The following CAST variants were observed in gnomAD, a reference collection of about 807,000 sequenced individuals.
CAST encodes MIR583 host.
In CAST, 76 loss-of-function variants were observed where a neutral mutation model predicts 119.6. That is an observed-to-expected ratio of 0.64 (90% CI 0.53 to 0.77). CAST has a LOEUF of 0.77. CAST is among the 30% of genes least tolerant of loss of function. CAST has a pLI of 0.00. For synonymous variants in CAST, 319 were observed against 331.6 expected, an observed-to-expected ratio of 0.96 and a Z score of 0.41; for missense variants, 953 against 946.5, an observed-to-expected ratio of 1.01 and a Z score of -0.09.
the CAST span, among the ~76,000 whole-genome samples, chr5:96,017,320 G>A: frequency 2.6e-5 from 4 of 152,116 alleles, no homozygotes; most frequent in African/African-American, 7.2e-5. Context: ...GGTTGATTAA[G>A]GGACAAGTCC....
At chr5:96,502,982 G>A in the CAST span, among the ~76,000 whole-genome samples, 1 of 152,092 alleles carries the variant, frequency 6.6e-6, no homozygotes, top group Admixed American at 6.5e-5. Context: ...TTGCAAAGAG[G>A]AGGACTTGGG....
the CAST span, among the ~76,000 whole-genome samples, chr5:96,381,294 A>G: frequency 3.9e-5 from 6 of 152,140 alleles, no homozygotes; most frequent in Non-Finnish European, 7.4e-5. Context: ...TTTATAATTA[A>G]TAAGTAGATA....
intron 1 of CAST, among the ~76,000 whole-genome samples, chr5:96,640,069 C>G (rs985169752): frequency 5.3e-5 from 8 of 152,166 alleles, no homozygotes; most frequent in African/African-American, 1.9e-4. Context: ...CAAAGGCTCT[C>G]AGAGCCTTTT....
intron 2 of CAST, among the ~76,000 whole-genome samples, chr5:96,686,767 A>G (rs762501837): frequency 7.2e-5 from 11 of 152,222 alleles, no homozygotes; most frequent in Non-Finnish European, 1.0e-4. Context: ...ACAAAAAGAG[A>G]TAAGTTCTGT....
At chr5:96,431,468 A>C in the CAST span, among the ~76,000 whole-genome samples, 1 of 152,188 alleles carries the variant, frequency 6.6e-6, no homozygotes, top group Non-Finnish European at 1.5e-5. Flanking sequence ...AATTACAATC[A>C]GTTGCAATCA....
At chr5:96,269,624 GAAC>G in the CAST span, among the ~76,000 whole-genome samples, 1 of 152,144 alleles carries the variant, frequency 6.6e-6, no homozygotes, top group South Asian at 2.1e-4. Flanking sequence ...AGACTATTAT[GAAC>G]AACTATATAT....
intron 2 of CAST, among the ~76,000 whole-genome samples, chr5:96,690,985 A>G (rs1379093179): frequency 2.6e-5 from 4 of 152,216 alleles, no homozygotes; most frequent in Admixed American, 2.0e-4. Context: ...TTGTTATGCA[A>G]TTTTATCATT....
At chr5:96,395,387 T>C in the CAST span, among the ~76,000 whole-genome samples, 2 of 152,218 alleles carry the variant, frequency 1.3e-5, no homozygotes, top group Non-Finnish European at 2.9e-5. Context: ...CTATGGAGTA[T>C]TATAAACAAC....
the CAST span, among the ~76,000 whole-genome samples, chr5:96,451,006 C>T: frequency 2.0e-5 from 3 of 152,328 alleles, no homozygotes; most frequent in South Asian, 2.1e-4. Context: ...CCTGCTTCTA[C>T]AGAATCTTCA....
At chr5:96,725,413 C>A (rs557124745) in intron 4 of CAST, among the ~76,000 whole-genome samples, 1 of 152,126 alleles carries the variant, frequency 6.6e-6, no homozygotes, top group African/African-American at 2.4e-5. Context: ...GAGTGCAGTG[C>A]GATGACTAGA....
At chr5:96,009,659 G>A in the CAST span, among the ~76,000 whole-genome samples, 1 of 151,830 alleles carries the variant, frequency 6.6e-6, no homozygotes, top group Non-Finnish European at 1.5e-5. Context: ...TTTTTTGCTT[G>A]TTGATTGAAG....
chr5:96,581,230 A>G (rs1297130854), intron 1 of CAST, among the ~76,000 whole-genome samples: 1 of 152,260 alleles, frequency 6.6e-6, no homozygotes, highest in Non-Finnish European at 1.5e-5. Context: ...GAGGCCAACA[A>G]GTTAACCAAA....
chr5:96,217,605 TGAACCACACTTTGA>T, the CAST span, among the ~76,000 whole-genome samples: 1 of 152,188 alleles, frequency 6.6e-6, no homozygotes, highest in Non-Finnish European at 1.5e-5. Flanking sequence ...ATCACACTTG[TGAACCACACTTTGA>T]GAACAGCTAC....
At chr5:96,121,054 C>A in the CAST span, among the ~76,000 whole-genome samples, 3 of 152,080 alleles carry the variant, frequency 2.0e-5, no homozygotes, top group African/African-American at 7.2e-5. Context: ...CATTTCCCAG[C>A]TTATTTTAAA....
At chr5:96,236,111 GTCTATCTATCTATCTC>G in the CAST span, among the ~76,000 whole-genome samples, 53 of 151,768 alleles carry the variant, frequency 3.5e-4, no homozygotes, top group East Asian at 5.6e-3. Context: ...CTGTCTGTCT[GTCTATCTATCTATCTC>G]TCTATCTATC....
At chr5:96,399,964 G>A in the CAST span, 5 of 1,612,740 alleles carry the variant, frequency 3.1e-6, no homozygotes, top group Admixed American at 1.7e-5. Context: ...TGGGCTCAAA[G>A]TCATTGTCCT....
chr5:96,125,015 C>G, the CAST span, among the ~76,000 whole-genome samples: 1 of 151,988 alleles, frequency 6.6e-6, no homozygotes, highest in African/African-American at 2.4e-5. Context: ...AAGAGTAGCC[C>G]GATTCTTAGA....
the CAST span, among the ~76,000 whole-genome samples, chr5:96,250,986 G>C: frequency 1.1e-4 from 17 of 152,072 alleles, no homozygotes; most frequent in African/African-American, 4.1e-4. Flanking sequence ...AGAAGGTACA[G>C]AGGTACAGAG....
the CAST span, among the ~76,000 whole-genome samples, chr5:96,315,996 C>A: frequency 2.0e-5 from 3 of 152,164 alleles, no homozygotes; most frequent in Non-Finnish European, 4.4e-5. Flanking sequence ...CAAGTGAACT[C>A]CTTCAAGCCA....
Sources: allele counts gnomAD v4.1 joint callset (sites outside exome capture counted in the v4.1 genomes callset), GRCh38; gene constraint gnomAD v4.1.1; transcripts MANE v1.5; gene names NCBI Gene and HGNC (gene_info 2026-07-23, HGNC 2026-07-21).